The following SLC35F4 variants were observed in gnomAD, a reference collection of about 807,000 sequenced individuals.
SLC35F4 encodes chromosome 14 open reading frame 36.
Under a neutral mutation model 44.2 loss-of-function variants are expected in SLC35F4, and 24 were observed. The ratio of observed to expected loss-of-function variants is 0.54; its 90% CI spans 0.39 to 0.76. The LOEUF (loss-of-function observed/expected upper bound fraction) is 0.76, where lower values mean the gene tolerates loss of function less well. Among genes scored for constraint, SLC35F4 ranks in the 30% least tolerant of loss-of-function variants. SLC35F4 has a pLI of 0.00. For missense variants in SLC35F4, 562 were observed against 586.1 expected (o/e 0.96, Z 0.42); for synonymous variants, 238 against 223.6 (o/e 1.06, Z -0.57).
intron 1 of SLC35F4, among the ~76,000 whole-genome samples, chr14:57,918,799 A>G (rs1889383359): frequency 1.3e-5 from 2 of 152,200 alleles, no homozygotes; most frequent in Non-Finnish European, 2.9e-5. Context: ...GGTCCAGCCT[A>G]TCCCAAGGAC....
intron 1 of SLC35F4, among the ~76,000 whole-genome samples, chr14:57,792,129 A>C (rs1449688453): frequency 6.6e-6 from 1 of 152,070 alleles, no homozygotes; most frequent in Non-Finnish European, 1.5e-5. Context: ...AAAAAGGAAG[A>C]TATATGAATG....
At chr14:57,639,541 T>C (rs183527992) in intron 1 of SLC35F4, among the ~76,000 whole-genome samples, 46 of 152,128 alleles carry the variant, frequency 3.0e-4, no homozygotes, top group African/African-American at 8.4e-4. Flanking sequence ...GAAGGTCATA[T>C]TTATTTGTTT....
chr14:57,839,111 A>G (rs1885235114), intron 1 of SLC35F4, among the ~76,000 whole-genome samples: 1 of 152,092 alleles, frequency 6.6e-6, no homozygotes, highest in African/African-American at 2.4e-5. Flanking sequence ...GTGGCCCCTG[A>G]CCTCTGGGGC....
At position 57,571,954 on chromosome 14, in the gene SLC35F4, A is replaced by G. The variant is rs2068532213; in HGVS notation, c.873T>C (p.Ala291=). ...CAAATGCCACTCCTATGATGGAATC[A>G]GCGTGGAAATTATCTGCATATGCCA... ...VMMAYADNFH[A]DSIIGVAFAV... Residue 291 remains alanine (A), a synonymous_variant, in exon 5 of 8, where the codon GCT becomes GCC. Transcript: ENST00000556826. The G allele has an allele frequency of 5.0e-6, 8 of 1,612,432 alleles. No individual in the cohort carries two copies. The highest frequency in any genetic ancestry group is 6.8e-6 in the Non-Finnish European group (8 of 1,179,248).
chr14:57,866,076 A>G lies in SLC35F4; in HGVS notation c.-251T>C. 3.9e-6 allele frequency: 1 copy of G among 254,096 alleles called. No individual in the cohort carries two copies. Among genetic ancestry groups the G allele is most frequent in the Non-Finnish European group, 7.3e-6 (1 of 136,188 alleles). The allele number at this position is 254,096 out of a possible 1,614,324, so 15.7% of individuals were successfully genotyped here. On this transcript the variant is annotated 5_prime_UTR_variant, in exon 1 of 8. Transcript: ENST00000556826. ...GGCAGCTCTCCCGCGCGCCACCCGG[A>G]GCACTGCTGCCCGAATAGCGCCCCC...
chr14:57,960,385 T>C, intron 1 of SLC35F4, among the ~76,000 whole-genome samples: 1 of 152,196 alleles, frequency 6.6e-6, no homozygotes, highest in Admixed American at 6.5e-5. Flanking sequence ...GTCCCTTCTG[T>C]TCCCCTCCCC....
intron 1 of SLC35F4, among the ~76,000 whole-genome samples, chr14:57,929,477 G>A (rs144356045): frequency 1.2e-3 from 184 of 152,146 alleles, no homozygotes; most frequent in African/African-American, 4.3e-3. Context: ...TCACCAAGAA[G>A]CAAAGAACCA....
intron 1 of SLC35F4, among the ~76,000 whole-genome samples, chr14:57,738,885 C>T (rs1293180687): frequency 6.7e-6 from 1 of 148,362 alleles, no homozygotes; most frequent in Non-Finnish European, 1.5e-5. Context: ...TATATATCTC[C>T]ATCCTACTGT....
intron 7 of SLC35F4, among the ~76,000 whole-genome samples, chr14:57,565,340 C>A (rs2068153222): frequency 6.6e-6 from 1 of 152,218 alleles, no homozygotes; most frequent in South Asian, 2.1e-4. Flanking sequence ...TAAACCTCTC[C>A]TTAGATCTCT....
intron 1 of SLC35F4, among the ~76,000 whole-genome samples, chr14:57,797,793 C>G (rs1423883764): frequency 6.6e-6 from 1 of 152,052 alleles, no homozygotes; most frequent in Non-Finnish European, 1.5e-5. Context: ...TTGTCACTCC[C>G]CTGTAATAGT....
chr14:57,609,692 C>G (rs2071378543), intron 1 of SLC35F4, among the ~76,000 whole-genome samples: 1 of 152,206 alleles, frequency 6.6e-6, no homozygotes, highest in Non-Finnish European at 1.5e-5. Flanking sequence ...CTAAATTTAT[C>G]TGATGGAGTG....
Position 57,865,712 on chromosome 14 carries a change from C to T in SLC35F4, c.103+11G>A, listed in dbSNP as rs1470865293. The T allele has an allele frequency of 9.9e-6, 15 of 1,513,990 alleles. No individual in the cohort carries two copies. The African/African-American group carries it at 2.1e-4, about 21-fold the overall frequency. The allele number at this position is 1,513,990 out of a possible 1,614,324, so 93.8% of individuals were successfully genotyped here. On this transcript the variant is annotated intron_variant, in intron 1 of 7. Coordinates refer to ENST00000556826, the MANE Select transcript of SLC35F4 (RefSeq NM_001306087.2). The stretch of plus-strand genomic sequence containing the variant: ...CCCCGCCTCGCGCAGGGCAGCCGCG[C>T]GGCGTCTTACTTTTCTGGCTGGAGT...
chr14:57,884,513 G>T (rs1351235748), intron 1 of SLC35F4, among the ~76,000 whole-genome samples: 1 of 152,078 alleles, frequency 6.6e-6, no homozygotes, highest in African/African-American at 2.4e-5. Context: ...TCTCTCCAAA[G>T]GGAATAGTTT....
intron 1 of SLC35F4, among the ~76,000 whole-genome samples, chr14:57,725,790 A>G (rs2076187405): frequency 6.6e-6 from 1 of 152,202 alleles, no homozygotes. Flanking sequence ...TCAGCGTCCA[A>G]TATATGGTAC....
chr14:57,664,684 T>C (rs542056698), intron 1 of SLC35F4, among the ~76,000 whole-genome samples: 1 of 152,268 alleles, frequency 6.6e-6, no homozygotes, highest in African/African-American at 2.4e-5. Flanking sequence ...GTGCTGGGAT[T>C]ACAGGCGTAA....
chr14:57,820,783 T>A (rs1330156506), intron 1 of SLC35F4, among the ~76,000 whole-genome samples: 1 of 152,144 alleles, frequency 6.6e-6, no homozygotes, highest in Non-Finnish European at 1.5e-5. Flanking sequence ...ACTGCTTCTA[T>A]AAGGATCATC....
At chr14:57,837,830 A>G (rs1378824826) in intron 1 of SLC35F4, among the ~76,000 whole-genome samples, 1 of 152,064 alleles carries the variant, frequency 6.6e-6, no homozygotes, top group Non-Finnish European at 1.5e-5. Context: ...AAAATAAGAC[A>G]TTTTTCAGAA....
intron 1 of SLC35F4, among the ~76,000 whole-genome samples, chr14:57,745,243 G>T (rs1211600074): frequency 5.9e-5 from 9 of 152,100 alleles, no homozygotes; most frequent in African/African-American, 9.7e-5. Flanking sequence ...GGGATCTAAT[G>T]AAACTAAACA....
intron 6 of SLC35F4, among the ~76,000 whole-genome samples, chr14:57,568,676 C>G (rs1242925374): frequency 1.3e-5 from 2 of 152,134 alleles, no homozygotes; most frequent in Non-Finnish European, 2.9e-5. Context: ...AATACTCTTG[C>G]AGGGATGAAA....
Sources: gnomAD v4.1 joint callset for allele counts (sites outside exome capture counted in the v4.1 genomes callset) on GRCh38, gnomAD v4.1.1 for gene constraint, MANE v1.5 for transcripts, NCBI Gene and HGNC (gene_info 2026-07-23, HGNC 2026-07-21) for gene names.